TYW1B: variants seen among roughly 807,000 people sequenced by gnomAD.
TYW1B encodes the protein tRNA-yW synthesizing protein 1 homolog B, also known as S-adenosyl-L-methionine-dependent tRNA 4-demethylwyosine synthase TYW1B.
Under a neutral mutation model 86.9 loss-of-function variants are expected in TYW1B, and 73 were observed. The ratio of observed to expected loss-of-function variants is 0.84; its 90% CI spans 0.70 to 1.02. TYW1B has a LOEUF of 1.02. TYW1B is among the 50% of genes least tolerant of loss of function. TYW1B has a pLI of 0.00. For missense variants in TYW1B, 637 were observed against 827.4 expected (o/e 0.77, Z 2.82); for synonymous variants, 248 against 292.8 (o/e 0.85, Z 1.56).
At chr7:72,754,101 TAATAAC>T (rs1171839535) in intron 7 of TYW1B, among the ~76,000 whole-genome samples, 3 of 152,128 alleles carry the variant, frequency 2.0e-5, no homozygotes, top group African/African-American at 7.2e-5. Flanking sequence ...TGTAAAAAAA[TAATAAC>T]AATAACCGCT....
rs190494982 is a variant in TYW1B, at chr7:72,664,539, G to T, written c.1506+30148C>A. ...ACCACATGCTCTCACTTATAAGTGG[G>T]AGCTAAATGATGAGAACACATGGAC... On this transcript the variant is annotated intron_variant, in intron 11 of 13. Transcript: ENST00000620995. Among the ~76,000 whole-genome samples the T allele has an allele frequency of 3.5e-4, 54 of 152,250 alleles. No homozygotes were observed. In the East Asian group the frequency reaches 4.0e-3, roughly 11 times the overall value.
intron 11 of TYW1B, among the ~76,000 whole-genome samples, chr7:72,662,205 G>A (rs1368073849): frequency 6.6e-6 from 1 of 152,182 alleles, no homozygotes; most frequent in Non-Finnish European, 1.5e-5. Flanking sequence ...TCATAAGCCA[G>A]GAGAAGAAAA....
intron 10 of TYW1B, among the ~76,000 whole-genome samples, chr7:72,702,982 CTATCTATATATATATATATA>C (rs2129570474): frequency 9.8e-5 from 1 of 10,168 alleles, no homozygotes; most frequent in African/African-American, 4.5e-4. Flanking sequence ...ATCTATCTAT[CTATCTATATATATATATATA>C]TATATATATA....
chr7:72,602,885 CAAT>C (rs1477438927), intron 13 of TYW1B, among the ~76,000 whole-genome samples: 1 of 136,210 alleles, frequency 7.3e-6, no homozygotes, highest in African/African-American at 2.7e-5. Flanking sequence ...CACACACACA[CAAT>C]GTTGATGGGG....
chr7:72,680,461 T>C (rs1159834650), intron 11 of TYW1B, among the ~76,000 whole-genome samples: 3 of 152,208 alleles, frequency 2.0e-5, no homozygotes, highest in African/African-American at 7.2e-5. Context: ...TTTTGGACTC[T>C]TGGACTTACA....
Position 72,662,478 on chromosome 7 carries a change from A to G in TYW1B, c.1506+32209T>C, listed in dbSNP as rs12532370. 2.8e-3 allele frequency among the ~76,000 whole-genome samples: 421 copies of G among 147,946 alleles called. 1 individual carries two copies. The highest frequency in any genetic ancestry group is 7.1e-3 in the Middle Eastern group (2 of 280). Reference sequence around the variant, plus strand: ...AGATAGATAGATAGATAGATAGATAAATTTTTTTCCTTTTTTCACAAGCTC... The same window carrying G: ...AGATAGATAGATAGATAGATAGATAGATTTTTTTCCTTTTTTCACAAGCTC... On this transcript the variant is annotated intron_variant, in intron 11 of 13. Transcript: ENST00000620995.
intron 9 of TYW1B, among the ~76,000 whole-genome samples, chr7:72,715,181 C>T (rs367821285): frequency 3.3e-5 from 5 of 151,890 alleles, no homozygotes; most frequent in African/African-American, 7.3e-5. Flanking sequence ...GCAGGCAATT[C>T]GCAGTTTCTG....
At chr7:72,703,161 A>G (rs1408757525) in intron 10 of TYW1B, among the ~76,000 whole-genome samples, 1 of 151,004 alleles carries the variant, frequency 6.6e-6, no homozygotes, top group Non-Finnish European at 1.5e-5. Flanking sequence ...AGTAGCTGGG[A>G]CTACAGGCGC....
rs35804694 is a variant in TYW1B, at chr7:72,783,383, CA to C, written c.847-5851del. On this transcript the variant is annotated intron_variant, in intron 6 of 13. Coordinates refer to ENST00000620995, the MANE Select transcript of TYW1B (RefSeq NM_001145440.3). ...TGGGCAACAAAGCAAGACTTCATCT[CA>C]AAAAAAAAAAAAAAAAGAAACTTTT... Among the ~76,000 whole-genome samples, 131 of 113,470 alleles carry C rather than the reference CA, an allele frequency of 1.2e-3. 1 individual carries two copies. In the South Asian group the frequency reaches 0.016, roughly 14 times the overall value. The allele number at this position is 113,470 out of a possible 152,430, so 74.4% of individuals were successfully genotyped here.
intron 13 of TYW1B, among the ~76,000 whole-genome samples, chr7:72,612,077 G>A (rs1449052731): frequency 1.3e-5 from 2 of 149,066 alleles, no homozygotes; most frequent in Non-Finnish European, 3.0e-5. Context: ...ATGGGTTCTC[G>A]CTCTGTCGCC....
chr7:72,608,162 C>T (rs1372209100), intron 13 of TYW1B, among the ~76,000 whole-genome samples: 1 of 152,208 alleles, frequency 6.6e-6, no homozygotes, highest in Non-Finnish European at 1.5e-5. Flanking sequence ...ATCACACTGG[C>T]TCTAAGAGAA....
Position 72,828,135 on chromosome 7 carries a change from T to C in TYW1B, c.-60A>G. On this transcript the variant is annotated 5_prime_UTR_variant, in exon 1 of 14. Transcript: ENST00000620995. ...ACCTGGAGAGCCCAAAGGTTCGCAC[T>C]GGTACTGCGAGACGCACCGAGCTAC... 1 of 1,609,992 alleles carries C rather than the reference T, an allele frequency of 6.2e-7. No homozygotes were observed. The highest frequency in any genetic ancestry group is 8.5e-7 in the Non-Finnish European group (1 of 1,178,272).
intron 11 of TYW1B, among the ~76,000 whole-genome samples, chr7:72,643,356 G>A (rs1309696141): frequency 2.0e-5 from 3 of 152,154 alleles, no homozygotes; most frequent in African/African-American, 7.2e-5. Context: ...GGAGGCCGAT[G>A]TGGGCGGATC....
intron 11 of TYW1B, among the ~76,000 whole-genome samples, chr7:72,689,793 T>C (rs1814096904): frequency 6.6e-6 from 1 of 152,248 alleles, no homozygotes; most frequent in Non-Finnish European, 1.5e-5. Flanking sequence ...TAGGTATTTC[T>C]TTCCTTGCTT....
chr7:72,666,828 A>G (rs1554445322), intron 11 of TYW1B, among the ~76,000 whole-genome samples: 2 of 151,894 alleles, frequency 1.3e-5, no homozygotes, highest in Non-Finnish European at 1.5e-5. Flanking sequence ...TCAGGAGATC[A>G]AGACCATCCT....
intron 7 of TYW1B, among the ~76,000 whole-genome samples, chr7:72,753,857 C>T (rs1787542780): frequency 6.6e-6 from 1 of 152,146 alleles, no homozygotes; most frequent in South Asian, 2.1e-4. Flanking sequence ...AGACATAATG[C>T]TATTGCATAC....
At chr7:72,811,789 G>A (rs1179529331) in intron 3 of TYW1B, among the ~76,000 whole-genome samples, 1 of 151,600 alleles carries the variant, frequency 6.6e-6, no homozygotes, top group Non-Finnish European at 1.5e-5. Context: ...GTGGGTGCCT[G>A]TAGTTCCAGC....
At chr7:72,582,361 T>C (rs1181517708) in intron 13 of TYW1B, among the ~76,000 whole-genome samples, 3 of 152,150 alleles carry the variant, frequency 2.0e-5, no homozygotes, top group African/African-American at 7.2e-5. Flanking sequence ...CACAGAGGAT[T>C]AGGAATCTGA....
chr7:72,632,489 C>CGT, intron 11 of TYW1B, among the ~76,000 whole-genome samples: 1 of 106,180 alleles, frequency 9.4e-6, no homozygotes, highest in African/African-American at 3.8e-5. Context: ...TATATATACA[C>CGT]ATATATACAT....
Sources: allele counts gnomAD v4.1 joint callset (sites outside exome capture counted in the v4.1 genomes callset), GRCh38; gene constraint gnomAD v4.1.1; transcripts MANE v1.5; gene names NCBI Gene and HGNC (gene_info 2026-07-23, HGNC 2026-07-21).